The following SLC35D4 variants were observed in gnomAD, a reference collection of about 807,000 sequenced individuals.
The protein encoded by SLC35D4 is solute carrier family 35 member D4, also known as UDP-N-acetylglucosamine transporter SLC35D4.
At chr18:23,427,112 G>GGACTTCAT in the SLC35D4 span, among the ~76,000 whole-genome samples, 1 of 152,090 alleles carries the variant, frequency 6.6e-6, no homozygotes, top group Admixed American at 6.6e-5. Context: ...GCATGGGCAA[G>GGACTTCAT]GACTTCATGA....
chr18:23,305,985 A>G, the SLC35D4 span, among the ~76,000 whole-genome samples: 1 of 152,178 alleles, frequency 6.6e-6, no homozygotes, highest in Admixed American at 6.5e-5. Context: ...TAGACTCCCC[A>G]TCATGGTATT....
At chr18:23,291,805 A>G in the SLC35D4 span, among the ~76,000 whole-genome samples, 4 of 152,216 alleles carry the variant, frequency 2.6e-5, no homozygotes, top group South Asian at 2.1e-4. Context: ...AGAAAGGAAC[A>G]GAACTGTATA....
At chr18:23,389,802 G>A in the SLC35D4 span, among the ~76,000 whole-genome samples, 1 of 152,160 alleles carries the variant, frequency 6.6e-6, no homozygotes, top group East Asian at 1.9e-4. Context: ...GCCTCTCAAA[G>A]TGCTGTGATT....
the SLC35D4 span, among the ~76,000 whole-genome samples, chr18:23,395,843 C>T: frequency 2.0e-5 from 3 of 152,194 alleles, no homozygotes; most frequent in Non-Finnish European, 2.9e-5. Flanking sequence ...CAAGCAGGCC[C>T]GAATCAGCCC....
At chr18:23,388,565 C>T in the SLC35D4 span, among the ~76,000 whole-genome samples, 4 of 152,294 alleles carry the variant, frequency 2.6e-5, no homozygotes, top group Admixed American at 6.5e-5. Context: ...TGAAAACTTC[C>T]GGGACCTCCA....
chr18:23,293,442 A>G, the SLC35D4 span, among the ~76,000 whole-genome samples: 1 of 152,266 alleles, frequency 6.6e-6, no homozygotes, highest in Non-Finnish European at 1.5e-5. Context: ...TCAATAGAAA[A>G]ATGATGTGAT....
At chr18:23,385,754 C>T in the SLC35D4 span, among the ~76,000 whole-genome samples, 3 of 152,092 alleles carry the variant, frequency 2.0e-5, no homozygotes, top group Non-Finnish European at 4.4e-5. Flanking sequence ...ACACGATCTG[C>T]ATGTTTAGAG....
the SLC35D4 span, among the ~76,000 whole-genome samples, chr18:23,282,691 G>C: frequency 1.3e-3 from 193 of 152,278 alleles, no homozygotes; most frequent in Middle Eastern, 3.4e-3. Flanking sequence ...GGGTGGGAGT[G>C]GGGGGCAATG....
the SLC35D4 span, among the ~76,000 whole-genome samples, chr18:23,383,313 A>G: frequency 6.6e-6 from 1 of 151,802 alleles, no homozygotes; most frequent in Admixed American, 6.6e-5. Context: ...AACCCTGAAG[A>G]GGCAGACAAA....
At chr18:23,431,801 A>G in the SLC35D4 span, among the ~76,000 whole-genome samples, 1 of 152,166 alleles carries the variant, frequency 6.6e-6, no homozygotes, top group African/African-American at 2.4e-5. Context: ...CCTTCTGGGT[A>G]TCTTTTCCAT....
chr18:23,431,903 G>C, the SLC35D4 span, among the ~76,000 whole-genome samples: 1 of 152,144 alleles, frequency 6.6e-6, no homozygotes, highest in East Asian at 1.9e-4. Context: ...TCCTTCACAT[G>C]CTCTAAAAAA....
the SLC35D4 span, among the ~76,000 whole-genome samples, chr18:23,346,540 T>C: frequency 1.3e-5 from 2 of 152,090 alleles, no homozygotes; most frequent in African/African-American, 4.8e-5. Context: ...CCTATTGCAC[T>C]GCCTATTGCA....
chr18:23,260,738 G>A, the SLC35D4 span, among the ~76,000 whole-genome samples: 32 of 152,276 alleles, frequency 2.1e-4, no homozygotes, highest in Non-Finnish European at 4.1e-4. Context: ...GCGCCCTGAC[G>A]TCACCTCCCC....
chr18:23,271,211 C>T, the SLC35D4 span, among the ~76,000 whole-genome samples: 1 of 152,328 alleles, frequency 6.6e-6, no homozygotes, highest in Non-Finnish European at 1.5e-5. Context: ...TCATCTGCCG[C>T]CATGTGAGAC....
chr18:23,270,665 G>A, the SLC35D4 span, among the ~76,000 whole-genome samples: 2 of 152,242 alleles, frequency 1.3e-5, no homozygotes, highest in East Asian at 1.9e-4. Context: ...CCCACCTCCT[G>A]CATCAGCATG....
chr18:23,412,058 G>A, the SLC35D4 span, among the ~76,000 whole-genome samples: 1 of 152,094 alleles, frequency 6.6e-6, no homozygotes, highest in South Asian at 2.1e-4. Flanking sequence ...GGTGGCTTAC[G>A]CCTGTAATCC....
the SLC35D4 span, among the ~76,000 whole-genome samples, chr18:23,428,841 C>T: frequency 6.6e-6 from 1 of 152,192 alleles, no homozygotes; most frequent in Non-Finnish European, 1.5e-5. Flanking sequence ...ACCTCTCTCC[C>T]TAACTCTCCC....
the SLC35D4 span, among the ~76,000 whole-genome samples, chr18:23,274,609 C>T: frequency 1.3e-5 from 2 of 152,186 alleles, no homozygotes; most frequent in African/African-American, 2.4e-5. Flanking sequence ...GCCCCTTCCC[C>T]TATTCCCCAC....
the SLC35D4 span, among the ~76,000 whole-genome samples, chr18:23,249,513 CTG>C: frequency 6.6e-6 from 1 of 152,212 alleles, no homozygotes; most frequent in Non-Finnish European, 1.5e-5. Flanking sequence ...CCCTCAGAGA[CTG>C]TGACTCAGTG....
Sources: allele counts gnomAD v4.1 joint callset (sites outside exome capture counted in the v4.1 genomes callset), GRCh38; gene constraint gnomAD v4.1.1; transcripts MANE v1.5; gene names NCBI Gene and HGNC (gene_info 2026-07-23, HGNC 2026-07-21).